The following PRKN variants were observed in gnomAD, a reference collection of about 807,000 sequenced individuals.
PRKN encodes the protein E3 ubiquitin-protein ligase parkin.
In PRKN, 56 loss-of-function variants were observed where a neutral mutation model predicts 59.5. That is an observed-to-expected ratio of 0.94 (90% CI 0.76 to 1.18). PRKN has a LOEUF of 1.18. PRKN is among the 50% of genes most tolerant of loss of function. The pLI is 0.00. For synonymous variants in PRKN, 250 were observed against 222.1 expected, an observed-to-expected ratio of 1.13 and a Z score of -1.12; for missense variants, 657 against 596.4, an observed-to-expected ratio of 1.10 and a Z score of -1.06.
intron 6 of PRKN, among the ~76,000 whole-genome samples, chr6:161,918,777 G>A (rs1041326141): frequency 2.0e-5 from 3 of 152,096 alleles, no homozygotes; most frequent in Non-Finnish European, 4.4e-5. Context: ...TTCACTTAAC[G>A]AGATATACGA....
chr6:161,886,701 A>C, intron 6 of PRKN, among the ~76,000 whole-genome samples: 1 of 133,804 alleles, frequency 7.5e-6, no homozygotes, highest in South Asian at 2.4e-4. Flanking sequence ...TGTTCTCAAA[A>C]ATAAAATAAA....
intron 9 of PRKN, among the ~76,000 whole-genome samples, chr6:161,476,048 G>T (rs896663884): frequency 6.6e-6 from 1 of 151,878 alleles, no homozygotes; most frequent in Admixed American, 6.6e-5. Context: ...TTAGCCGGGC[G>T]TGGTGGCGGG....
chr6:161,586,940 A>T (rs1029687978), intron 7 of PRKN, among the ~76,000 whole-genome samples: 2 of 152,192 alleles, frequency 1.3e-5, no homozygotes, highest in Non-Finnish European at 1.5e-5. Context: ...ATATAATGAG[A>T]CTGCTCTCTC....
chr6:162,287,652 T>C (rs915610642), intron 2 of PRKN, among the ~76,000 whole-genome samples: 4 of 152,200 alleles, frequency 2.6e-5, no homozygotes, highest in Non-Finnish European at 5.9e-5. Context: ...ATTCCCATCA[T>C]TTTCATCATT....
intron 1 of PRKN, among the ~76,000 whole-genome samples, chr6:162,546,954 G>A (rs557162285): frequency 9.9e-5 from 15 of 152,198 alleles, no homozygotes; most frequent in African/African-American, 3.4e-4. Context: ...TTTATCAGAG[G>A]TTTATTTCCT....
intron 5 of PRKN, among the ~76,000 whole-genome samples, chr6:161,979,050 C>T (rs1303438974): frequency 1.3e-5 from 2 of 152,140 alleles, no homozygotes; most frequent in Admixed American, 1.3e-4. Flanking sequence ...TAACCAGGAG[C>T]TATAATTCCC....
intron 6 of PRKN, among the ~76,000 whole-genome samples, chr6:161,822,135 T>C (rs1792057562): frequency 6.6e-6 from 1 of 152,150 alleles, no homozygotes; most frequent in Non-Finnish European, 1.5e-5. Flanking sequence ...TCACTCAGTC[T>C]TTCTTAGCAA....
intron 1 of PRKN, among the ~76,000 whole-genome samples, chr6:162,548,454 C>T (rs1374188469): frequency 3.9e-5 from 6 of 152,112 alleles, no homozygotes; most frequent in East Asian, 1.9e-4. Flanking sequence ...CAACATCAAA[C>T]GCAAAGATCA....
chr6:161,516,047 A>T (rs1316586276), intron 9 of PRKN, among the ~76,000 whole-genome samples: 3 of 152,192 alleles, frequency 2.0e-5, no homozygotes, highest in Non-Finnish European at 4.4e-5. Context: ...GGCTTTTAAG[A>T]AGCTTCATTA....
Position 161,483,456 on chromosome 6 carries a change from A to T in PRKN, c.1083+65398T>A, listed in dbSNP as rs1368932164. The stretch of plus-strand genomic sequence containing the variant: ...AGGATGCTTGCCTTCATGAACTTTC[A>T]GGCCTCATCTATAAGGTCAGGAAAG... On this transcript the variant is annotated intron_variant, in intron 9 of 11. Transcript: ENST00000366898. This position sits in a 1 kb window ranked among gnomAD's most constrained non-coding sequence, Gnocchi z 5.0. Among the ~76,000 whole-genome samples, 1 of 152,190 alleles carries T rather than the reference A, an allele frequency of 6.6e-6. No individual in the cohort carries two copies. The highest frequency in any genetic ancestry group is 1.5e-5 in the Non-Finnish European group (1 of 68,030).
intron 1 of PRKN, among the ~76,000 whole-genome samples, chr6:162,456,820 C>G (rs1790895913): frequency 6.6e-6 from 1 of 152,154 alleles, no homozygotes; most frequent in African/African-American, 2.4e-5. Context: ...GCCAATATCA[C>G]TATAACTAAT....
chr6:161,861,216 C>T (rs996238193), intron 6 of PRKN, among the ~76,000 whole-genome samples: 2 of 152,184 alleles, frequency 1.3e-5, no homozygotes, highest in Non-Finnish European at 2.9e-5. Flanking sequence ...AAATGTGGCA[C>T]ATATACACCA....
At chr6:162,209,270 C>T (rs1251898190) in intron 3 of PRKN, among the ~76,000 whole-genome samples, 1 of 152,084 alleles carries the variant, frequency 6.6e-6, no homozygotes, top group East Asian at 1.9e-4. Flanking sequence ...GCAACCCCAT[C>T]AAAAAGTGGG....
chr6:162,555,635 C>A (rs1229009133), intron 1 of PRKN, among the ~76,000 whole-genome samples: 5 of 150,210 alleles, frequency 3.3e-5, no homozygotes, highest in Non-Finnish European at 3.0e-5. Context: ...GAAAAAAATA[C>A]AAAAAAAAAA....
At chr6:162,212,961 C>G (rs1777452197) in intron 3 of PRKN, among the ~76,000 whole-genome samples, 1 of 152,070 alleles carries the variant, frequency 6.6e-6, no homozygotes, top group Non-Finnish European at 1.5e-5. Flanking sequence ...CTTTTTAGCT[C>G]AATTAAAATC....
chr6:162,445,540 C>T (rs1407368154), intron 1 of PRKN, among the ~76,000 whole-genome samples: 1 of 151,382 alleles, frequency 6.6e-6, no homozygotes, highest in Admixed American at 6.6e-5. Flanking sequence ...TTTTTTTAAA[C>T]AATCAGCAGG....
intron 6 of PRKN, among the ~76,000 whole-genome samples, chr6:161,903,131 G>A (rs1380504601): frequency 6.6e-6 from 1 of 152,116 alleles, no homozygotes; most frequent in Non-Finnish European, 1.5e-5. Context: ...TAGATCTAGT[G>A]AGAGGGATTT....
intron 1 of PRKN, among the ~76,000 whole-genome samples, chr6:162,632,028 A>C (rs1038547416): frequency 6.6e-6 from 1 of 152,008 alleles, no homozygotes; most frequent in African/African-American, 2.4e-5. Context: ...AAACAAAAGG[A>C]AACGCTTATA....
At chr6:162,457,938 G>A (rs573969975) in intron 1 of PRKN, among the ~76,000 whole-genome samples, 1 of 151,964 alleles carries the variant, frequency 6.6e-6, no homozygotes, top group South Asian at 2.1e-4. Context: ...TGGCCAACAT[G>A]ACAAAACCCC....
Sources: gnomAD v4.1 joint callset for allele counts (sites outside exome capture counted in the v4.1 genomes callset) on GRCh38, gnomAD v4.1.1 for gene constraint, Gnocchi (gnomAD v3.1) non-coding constraint, MANE v1.5 for transcripts, NCBI Gene and HGNC (gene_info 2026-07-23, HGNC 2026-07-21) for gene names.